OR3A2: variants seen among roughly 807,000 people sequenced by gnomAD.
OR3A2 encodes the protein olfactory receptor family 3 subfamily A member 2, also known as olfactory receptor 3A2.
For missense variants in OR3A2, 318 were observed against 392.8 expected, an observed-to-expected ratio of 0.81 and a Z score of 1.61; for synonymous variants, 126 against 159.3, an observed-to-expected ratio of 0.79 and a Z score of 1.57.
At chr17:3,376,879 G>GAGTCCA (rs1454015521) in intron 2 of OR3A2, among the ~76,000 whole-genome samples, 9 of 152,246 alleles carry the variant, frequency 5.9e-5, no homozygotes, top group African/African-American at 2.2e-4. Context: ...GCTTGGACTG[G>GAGTCCA]AGACCAGGGG....
chr17:3,361,489 T>C (rs2049515721), intron 2 of OR3A2, among the ~76,000 whole-genome samples: 1 of 151,712 alleles, frequency 6.6e-6, no homozygotes, highest in Non-Finnish European at 1.5e-5. Context: ...CCCTGTCTTG[T>C]GCCAGTTTTC....
Position 3,311,140 on chromosome 17 carries a change from T to C in OR3A2, c.-85+24893A>G, listed in dbSNP as rs773955136. 5.5e-6 allele frequency: 3 copies of C among 540,596 alleles called. No homozygotes were observed. Among genetic ancestry groups the C allele is most frequent in the Admixed American group, 1.9e-5 (1 of 51,882 alleles). 33.5% of individuals were successfully genotyped at this position (540,596 alleles called of 1,614,324 possible). Reference sequence around the variant, plus strand: ...GAGTCTTCGGACAAGGACAAGGGCATTGGCATCCTCAACACTGTCATCAGC... The same window carrying C: ...GAGTCTTCGGACAAGGACAAGGGCACTGGCATCCTCAACACTGTCATCAGC... On this transcript the variant is annotated intron_variant, in intron 3 of 4. Coordinates refer to the OR3A2 transcript ENST00000573491. The surrounding 1 kb of genome is among the most constrained non-coding windows in gnomAD (Gnocchi z 4.6).
intron 2 of OR3A2, among the ~76,000 whole-genome samples, chr17:3,352,113 C>G (rs567951683): frequency 1.3e-5 from 2 of 151,938 alleles, no homozygotes; most frequent in Non-Finnish European, 2.9e-5. Context: ...AGATTTTTTT[C>G]CTATAGAGTT....
chr17:3,312,556 C>T (rs1205931323), intron 3 of OR3A2, among the ~76,000 whole-genome samples: 1 of 152,164 alleles, frequency 6.6e-6, no homozygotes, highest in Non-Finnish European at 1.5e-5. Context: ...CCTGCCCCCG[C>T]CCCCTGACCA....
intron 3 of OR3A2, chr17:3,291,553 A>G (rs1485990881): frequency 3.5e-6 from 4 of 1,135,672 alleles, no homozygotes; most frequent in African/African-American, 3.1e-5. Flanking sequence ...ACAGGTGTGA[A>G]CCATTTTTTT....
chr17:3,292,401 G>GTTCCCCA, intron 3 of OR3A2: 1 of 1,614,044 alleles, frequency 6.2e-7, no homozygotes, highest in Non-Finnish European at 8.5e-7. Context: ...GAAGTACATG[G>GTTCCCCA]GGGTGTGGAG....
chr17:3,319,313 A>T (rs1023939572), intron 3 of OR3A2, among the ~76,000 whole-genome samples: 1 of 151,368 alleles, frequency 6.6e-6, no homozygotes, highest in Non-Finnish European at 1.5e-5. Flanking sequence ...TGGGGGCCAC[A>T]TATATCTCTC....
intron 2 of OR3A2, among the ~76,000 whole-genome samples, chr17:3,345,374 A>C (rs2049353578): frequency 6.6e-6 from 1 of 152,110 alleles, no homozygotes; most frequent in African/African-American, 2.4e-5. Context: ...AAGACAGCCA[A>C]AATCATCAGA....
intron 2 of OR3A2, among the ~76,000 whole-genome samples, chr17:3,363,563 C>T (rs2150660571): frequency 6.6e-6 from 1 of 151,936 alleles, no homozygotes; most frequent in Middle Eastern, 3.4e-3. Context: ...TGTCTCACAT[C>T]TTCCTGTCTT....
At chr17:3,276,179 A>T (rs1433804630), downstream of OR3A2, among the ~76,000 whole-genome samples, 2 of 152,174 alleles carry the variant, frequency 1.3e-5, no homozygotes, top group African/African-American at 4.8e-5. Context: ...AACCCAAATT[A>T]TAGAAATAGA....
upstream of OR3A2, among the ~76,000 whole-genome samples, chr17:3,285,492 A>T (rs9889930): frequency 0.2 from 31,163 of 152,112 alleles, 4,358 homozygotes; most frequent in African/African-American, 0.38. Flanking sequence ...ATTGATAACA[A>T]TTATGAGTAT....
intron 3 of OR3A2, among the ~76,000 whole-genome samples, chr17:3,314,664 G>C (rs73979523): frequency 0.017 from 2,628 of 152,174 alleles, 79 homozygotes; most frequent in African/African-American, 0.059. Flanking sequence ...ACTGAGTTCT[G>C]TAATTTTAAA....
downstream of OR3A2, chr17:3,276,838 T>C (rs73308756): frequency 1.3e-5 from 2 of 152,222 alleles, no homozygotes; most frequent in African/African-American, 4.8e-5. Flanking sequence ...CCTTAAGATA[T>C]ATCATATATG....
intron 2 of OR3A2, among the ~76,000 whole-genome samples, chr17:3,375,786 G>C (rs545366856): frequency 7.2e-5 from 11 of 152,292 alleles, no homozygotes; most frequent in Non-Finnish European, 1.3e-4. Context: ...TGTCCCATGG[G>C]GTGATCCCTT....
At chr17:3,333,779 C>T (rs2049257794) in intron 3 of OR3A2, among the ~76,000 whole-genome samples, 2 of 152,146 alleles carry the variant, frequency 1.3e-5, no homozygotes, top group South Asian at 4.1e-4. Flanking sequence ...TAAAGAGCTT[C>T]TGCACAGCAA....
At chr17:3,338,754 G>A (rs1433868342) in intron 2 of OR3A2, among the ~76,000 whole-genome samples, 1 of 152,124 alleles carries the variant, frequency 6.6e-6, no homozygotes, top group Non-Finnish European at 1.5e-5. Flanking sequence ...GGCAATGCAG[G>A]CTCTTTTTTG....
chr17:3,363,981 C>T (rs978531226), intron 2 of OR3A2, among the ~76,000 whole-genome samples: 3 of 152,182 alleles, frequency 2.0e-5, no homozygotes, highest in Non-Finnish European at 2.9e-5. Flanking sequence ...TCCCATGATC[C>T]AATCACCTCC....
chr17:3,344,813 C>A (rs2049348799), intron 2 of OR3A2, among the ~76,000 whole-genome samples: 1 of 152,120 alleles, frequency 6.6e-6, no homozygotes, highest in African/African-American at 2.4e-5. Flanking sequence ...CCAAGTTGAT[C>A]CAACCAAAGT....
chr17:3,331,936 C>G (rs2049238411), intron 3 of OR3A2, among the ~76,000 whole-genome samples: 1 of 151,556 alleles, frequency 6.6e-6, no homozygotes. Flanking sequence ...TTCTAACAGA[C>G]AGGACCCTCA....
Sources: gnomAD v4.1 joint callset for allele counts (sites outside exome capture counted in the v4.1 genomes callset) on GRCh38, gnomAD v4.1.1 for gene constraint, Gnocchi (gnomAD v3.1) non-coding constraint, MANE v1.5 for transcripts, NCBI Gene and HGNC (gene_info 2026-07-23, HGNC 2026-07-21) for gene names.